Variants in ZNF362 observed in about 807,000 individuals in gnomAD.
ZNF362 encodes the protein zinc finger protein 362.
In ZNF362, 11 loss-of-function variants were observed where a neutral mutation model predicts 42.9. The observed-to-expected ratio is 0.26, with a 90% confidence interval of 0.16 to 0.42. The LOEUF (loss-of-function observed/expected upper bound fraction) is 0.42. ZNF362 is among the 20% of genes least tolerant of loss of function. The pLI, the probability that ZNF362 is intolerant of heterozygous loss-of-function variation, is 1.00. For synonymous variants in ZNF362, 255 were observed against 257.3 expected, an observed-to-expected ratio of 0.99 and a Z score of 0.09; for missense variants, 362 against 576.2, an observed-to-expected ratio of 0.63 and a Z score of 3.81.
At chr1:33,136,803 C>T in the ZNF362 span, among the ~76,000 whole-genome samples, 2 of 151,514 alleles carry the variant, frequency 1.3e-5, no homozygotes, top group Admixed American at 6.6e-5. Context: ...CCGAGACCAG[C>T]CTGGCCAATA....
At chr1:33,276,701 C>G in intron 4 of ZNF362, 107 bp downstream of exon 4, 1 of 1,236,082 alleles carries the variant, frequency 8.1e-7, no homozygotes, top group South Asian at 2.3e-5. Flanking sequence ...AAGAGCAGGG[C>G]GGGCAGGGCC....
the ZNF362 span, among the ~76,000 whole-genome samples, chr1:33,197,646 G>A: frequency 1.3e-5 from 2 of 152,116 alleles, no homozygotes; most frequent in East Asian, 3.9e-4. Context: ...GAGTTTCCAG[G>A]CCACAGTACG....
At chr1:33,271,553 C>T (rs985503019) in intron 2 of ZNF362, among the ~76,000 whole-genome samples, 1 of 152,214 alleles carries the variant, frequency 6.6e-6, no homozygotes, top group Non-Finnish European at 1.5e-5. Context: ...TGTTGGGCTG[C>T]AAACAGAGCG....
the ZNF362 span, among the ~76,000 whole-genome samples, chr1:33,132,471 C>T: frequency 6.6e-6 from 1 of 152,218 alleles, no homozygotes; most frequent in African/African-American, 2.4e-5. Context: ...CTAAACTGTA[C>T]TTTCTGTTCC....
the ZNF362 span, among the ~76,000 whole-genome samples, chr1:33,187,551 A>T: frequency 6.6e-6 from 1 of 152,146 alleles, no homozygotes; most frequent in African/African-American, 2.4e-5. Flanking sequence ...AGTGTAACTG[A>T]TGCTCAGCTT....
chr1:33,279,440 C>T (rs938794576), intron 4 of ZNF362, among the ~76,000 whole-genome samples: 2 of 151,894 alleles, frequency 1.3e-5, no homozygotes, highest in African/African-American at 4.8e-5. Flanking sequence ...ATTCTCCTGC[C>T]AACTTGACAT....
In ZNF362 at chr1:33,280,395, C is replaced by G. The variant is rs553821765; in HGVS notation, c.621C>G (p.Val207=). Reference sequence around the variant, plus strand: ...CGGAGAACCCGGGGGGTCCGCCTGTCCTTGTAGTCCCCTATCCCATCCTGG... The same window carrying G: ...CGGAGAACCCGGGGGGTCCGCCTGTGCTTGTAGTCCCCTATCCCATCCTGG... ...IKAENPGGPP[V]LVVPYPILAS... The change falls in exon 5 of 9, where the codon GTC becomes GTG. Residue 207 remains valine, a synonymous_variant. Coordinates refer to ENST00000539719, the MANE Select transcript of ZNF362 (RefSeq NM_152493.3). This position sits in a 1 kb window ranked among gnomAD's most constrained non-coding sequence, Gnocchi z 5.6. The G allele has an allele frequency of 6.2e-7, 1 of 1,613,460 alleles. No homozygotes were observed. Among genetic ancestry groups the G allele is most frequent in the African/African-American group, 1.3e-5 (1 of 75,036 alleles).
the ZNF362 span, among the ~76,000 whole-genome samples, chr1:33,183,219 G>C: frequency 6.6e-6 from 1 of 152,126 alleles, no homozygotes; most frequent in Admixed American, 6.5e-5. Context: ...GGTTGGATAC[G>C]GGGGTGAGGG....
chr1:33,264,808 C>G (rs1329579487), intron 1 of ZNF362, among the ~76,000 whole-genome samples: 4 of 151,962 alleles, frequency 2.6e-5, no homozygotes, highest in African/African-American at 7.3e-5. Context: ...ATTCCTGACC[C>G]CAAACAAAGA....
At chr1:33,148,843 T>C in the ZNF362 span, among the ~76,000 whole-genome samples, 2 of 152,218 alleles carry the variant, frequency 1.3e-5, no homozygotes, top group Non-Finnish European at 2.9e-5. Flanking sequence ...ATTTGACAGA[T>C]GAGGAAACTG....
At chr1:33,288,137 C>CT (rs1351735822) in intron 6 of ZNF362, among the ~76,000 whole-genome samples, 2 of 152,172 alleles carry the variant, frequency 1.3e-5, no homozygotes, top group Non-Finnish European at 2.9e-5. Context: ...TTCTTATAGT[C>CT]TATTATCCCC....
chr1:33,153,581 T>G, the ZNF362 span, among the ~76,000 whole-genome samples: 2 of 152,154 alleles, frequency 1.3e-5, no homozygotes, highest in Non-Finnish European at 2.9e-5. Context: ...CAGCCTCCAG[T>G]GTCAATGGGG....
Position 33,281,888 on chromosome 1 carries a change from A to G in ZNF362, c.908+77A>G, listed in dbSNP as rs1224241797. Reference sequence around the variant, plus strand: ...TGGCCTGGCACATGGAGCCAGTGCAAGGAGGGGCAAGGACCTTCTCCAGGT... The same window carrying G: ...TGGCCTGGCACATGGAGCCAGTGCAGGGAGGGGCAAGGACCTTCTCCAGGT... On this transcript the variant is annotated intron_variant, in intron 6 of 8. Coordinates refer to ENST00000539719, the MANE Select transcript of ZNF362 (RefSeq NM_152493.3). This position sits in a 1 kb window ranked among gnomAD's most constrained non-coding sequence, Gnocchi z 4.8. 1 of 1,473,450 alleles carries G rather than the reference A, an allele frequency of 6.8e-7. No individual in the cohort carries two copies. Among genetic ancestry groups the G allele is most frequent in the South Asian group, 1.2e-5 (1 of 83,676 alleles). 91.3% of individuals were successfully genotyped at this position (1,473,450 alleles called of 1,614,324 possible).
the ZNF362 span, among the ~76,000 whole-genome samples, chr1:33,140,907 G>A: frequency 2.0e-5 from 3 of 152,178 alleles, no homozygotes; most frequent in Non-Finnish European, 4.4e-5. This position sits in a 1 kb window ranked among gnomAD's most constrained non-coding sequence, Gnocchi z 4.0. Flanking sequence ...AGGTTCCCAG[G>A]GGGTAGGAGG....
At chr1:33,166,663 C>T in the ZNF362 span, among the ~76,000 whole-genome samples, 5 of 152,186 alleles carry the variant, frequency 3.3e-5, no homozygotes, top group African/African-American at 7.2e-5. Context: ...GGAACCCGGA[C>T]AGCCTGGTTG....
chr1:33,146,186 G>C, the ZNF362 span: 2 of 261,600 alleles, frequency 7.6e-6, no homozygotes, highest in African/African-American at 2.3e-5. Context: ...AAGCCACCAG[G>C]GGCCAGGTAG....
chr1:33,242,119 CA>C, the ZNF362 span, among the ~76,000 whole-genome samples: 2 of 152,078 alleles, frequency 1.3e-5, no homozygotes, highest in African/African-American at 4.8e-5. Flanking sequence ...GAGGGATGAG[CA>C]GGGGGAGGTG....
intron 6 of ZNF362, among the ~76,000 whole-genome samples, chr1:33,289,108 G>A (rs1417797486): frequency 6.6e-6 from 1 of 152,150 alleles, no homozygotes; most frequent in Non-Finnish European, 1.5e-5. Context: ...AGAGAGGGAA[G>A]TAGGAGGTGG....
chr1:33,151,143 C>T, the ZNF362 span, among the ~76,000 whole-genome samples: 21 of 152,076 alleles, frequency 1.4e-4, no homozygotes, highest in African/African-American at 3.9e-4. Context: ...CAAGGGGGCT[C>T]TCCGTGGGTC....
Sources: allele counts gnomAD v4.1 joint callset (sites outside exome capture counted in the v4.1 genomes callset), GRCh38; gene constraint gnomAD v4.1.1; non-coding constraint Gnocchi (gnomAD v3.1); transcripts MANE v1.5; gene names NCBI Gene and HGNC (gene_info 2026-07-23, HGNC 2026-07-21).